The following SENP6 variants were observed in gnomAD, a reference collection of about 807,000 sequenced individuals.
SENP6 encodes the protein SUMO specific peptidase 6, also known as sentrin-specific protease 6.
SENP6 carries 41 observed loss-of-function variants against 134.5 expected under a neutral mutation model. The observed-to-expected ratio is 0.30, with a 90% CI of 0.24 to 0.40. SENP6 has a LOEUF of 0.40. SENP6 is among the 10% of genes least tolerant of loss of function. The probability of loss-of-function intolerance (pLI) is 1.00; values close to 1 mark genes in which losing one functional copy is unlikely to be tolerated. For synonymous variants in SENP6, 395 were observed against 429.8 expected (o/e 0.92, Z 1.00); for missense variants, 1,248 against 1,312.5 (o/e 0.95, Z 0.76).
At chr6:75,693,823 T>C (rs953149513) in intron 16 of SENP6, among the ~76,000 whole-genome samples, 3 of 152,224 alleles carry the variant, frequency 2.0e-5, no homozygotes, top group Non-Finnish European at 2.9e-5. Context: ...AATATGGCCA[T>C]AAGCTTGAAC....
At chr6:75,663,111 C>A (rs547591627) in intron 8 of SENP6, 110 bp from the exon 9 acceptor site, 8 of 1,042,162 alleles carry the variant, frequency 7.7e-6, no homozygotes, top group Non-Finnish European at 1.1e-5. Context: ...TCTTTTATTT[C>A]TTTTGTTCTT....
intron 7 of SENP6, 103 bp downstream of exon 7, chr6:75,647,904 G>A (rs1203152505): frequency 3.7e-6 from 3 of 812,084 alleles, no homozygotes; most frequent in Middle Eastern, 2.4e-4. Flanking sequence ...AGGTATAATA[G>A]ATATATATGT....
chr6:75,716,726 T>A lies in SENP6; in HGVS notation c.*1132T>A, dbSNP rs2149911197. The A allele has an allele frequency of 6.6e-6, 1 of 152,132 alleles. No individual in the cohort carries two copies. The highest frequency in any genetic ancestry group is 1.9e-4 in the East Asian group (1 of 5,192). 9.4% of individuals were successfully genotyped at this position (152,132 alleles called of 1,614,324 possible). A position where few individuals can be genotyped will look rare whatever the true frequency, so the allele number is the denominator to read the frequency against. On this transcript the variant is annotated 3_prime_UTR_variant, in exon 24 of 24. Coordinates refer to ENST00000447266, the MANE Select transcript of SENP6 (RefSeq NM_015571.4). The stretch of plus-strand genomic sequence containing the variant: ...TCATTATTTTTCAAATGAAATGGTG[T>A]ATACTTCTTTCAAATGAACTTTGAG...
In SENP6 at chr6:75,676,017, A is replaced by T. The variant is rs747566891; in HGVS notation, c.1584A>T (p.Lys528Asn). 6.2e-7 allele frequency: 1 copy of T among 1,609,090 alleles called. No individual in the cohort carries two copies. The highest frequency in any genetic ancestry group is 1.1e-5 in the South Asian group (1 of 90,096). The part of the protein sequence containing the change: ...SIQLQMNKED[K>N]VWNDCKGVNK... ...AACTGCAAATGAATAAGGAGGATAA[A>T]GTTTGGAATGATTGTAAAGGAGTAA... Residue 528 changes from lysine to asparagine, a missense_variant, in exon 13 of 24, where the codon AAA becomes AAT. Coordinates refer to ENST00000447266, the MANE Select transcript of SENP6 (RefSeq NM_015571.4).
rs940307949 is a variant in SENP6 at position 75,712,981 on chromosome 6, C to T, written c.2910-532C>T. 6.2e-4 allele frequency among the ~76,000 whole-genome samples: 95 copies of T among 152,106 alleles called. 1 individual carries two copies. The highest frequency in any genetic ancestry group is 6.2e-3 in the Admixed American group (95 of 15,262). ...AATTAGCTGAGTGTGGTCACATATG[C>T]CTGTAGTTACAGCTCCTCAGGAGGC... On this transcript the variant is annotated intron_variant, in intron 21 of 23. Transcript: ENST00000447266.
rs1215816248 is a variant in SENP6, at chr6:75,717,317, A to G, written c.*1723A>G. 2.0e-5 allele frequency: 3 copies of G among 152,030 alleles called. No homozygotes were observed. The highest frequency in any genetic ancestry group is 7.2e-5 in the African/African-American group (3 of 41,440). 9.4% of individuals were successfully genotyped at this position (152,030 alleles called of 1,614,324 possible). On this transcript the variant is annotated 3_prime_UTR_variant, in exon 24 of 24. Transcript: ENST00000447266. The stretch of plus-strand genomic sequence containing the variant: ...TTTTGTCAGAATCTGAAGGTACTGA[A>G]AAACTATTCTAAAATGCCTACTTGT...
intron 7 of SENP6, among the ~76,000 whole-genome samples, chr6:75,656,765 A>T (rs994663727): frequency 2.9e-4 from 44 of 152,144 alleles, no homozygotes; most frequent in African/African-American, 1.0e-3. Flanking sequence ...AACTTTCTTA[A>T]TTATGTCATT....
chr6:75,701,541 C>T (rs1053727254), intron 18 of SENP6, among the ~76,000 whole-genome samples: 4 of 150,280 alleles, frequency 2.7e-5, no homozygotes, highest in African/African-American at 4.9e-5. Context: ...TAATAACACA[C>T]AGTAACAGTA....
chr6:75,713,685 G>C lies in SENP6; in HGVS notation c.2989G>C (p.Val997Leu). The C allele has an allele frequency of 6.2e-7, 1 of 1,611,446 alleles. No homozygotes were observed. The highest frequency in any genetic ancestry group is 8.5e-7 in the Non-Finnish European group (1 of 1,178,116). ...TATGAATTATTGCAGGTATTTAGAA[G>C]TGGAATGGGAAGTTAAAAAAGGAAG... ...VVKILREYLE[V>L]EWEVKKGSKR... The change falls in exon 23 of 24, where the codon GTG (valine) becomes CTG (leucine). Residue 997 changes from valine (V) to leucine (L), a missense_variant. By Grantham distance (32) the Val-to-Leu change is conservative. Around this residue, in one of 3 missense-constraint regions of SENP6, gnomAD observed 386 missense variants for 395.0 expected, o/e 0.98. Coordinates refer to ENST00000447266, the MANE Select transcript of SENP6 (RefSeq NM_015571.4).
At chr6:75,686,891 A>G (rs1773880533) in intron 16 of SENP6, among the ~76,000 whole-genome samples, 2 of 152,066 alleles carry the variant, frequency 1.3e-5, no homozygotes, top group South Asian at 4.1e-4. Context: ...TGCTCTTCTC[A>G]AGGAGTATCT....
chr6:75,646,040 G>A (rs1398191336), intron 6 of SENP6, among the ~76,000 whole-genome samples: 1 of 152,120 alleles, frequency 6.6e-6, no homozygotes, highest in East Asian at 1.9e-4. Flanking sequence ...CTCTATACAT[G>A]CATGTATGAT....
At chr6:75,676,992 T>C in intron 13 of SENP6, 38 bp from the exon 14 acceptor site, 1 of 932,332 alleles carries the variant, frequency 1.1e-6, no homozygotes, top group Non-Finnish European at 1.6e-6. Flanking sequence ...TTTACTTCTT[T>C]TGTGTTTTTT....
chr6:75,666,762 G>C lies in SENP6; in HGVS notation c.1045G>C (p.Glu349Gln), dbSNP rs761625649. The change falls in exon 10 of 24, where the codon GAA becomes CAA. Residue 349 changes from glutamate to glutamine, a missense_variant. This residue lies in a region of SENP6 where 733 missense variants were observed against 725.4 expected (regional missense o/e 1.01). Coordinates refer to ENST00000447266, the MANE Select transcript of SENP6 (RefSeq NM_015571.4). ...DDDNDRTNRR[E>Q]SISPQPADSA... Reference sequence around the variant, plus strand: ...TGACAACGACAGAACTAACAGAAGAGAAAGCATATCTCCTCAGCCTGCTGA... The same window carrying C: ...TGACAACGACAGAACTAACAGAAGACAAAGCATATCTCCTCAGCCTGCTGA... 1.4e-5 allele frequency: 23 copies of C among 1,608,724 alleles called. No individual in the cohort carries two copies. The highest frequency in any genetic ancestry group is 1.3e-4 in the Admixed American group (8 of 59,940).
rs1451031522 is a variant in SENP6 at position 75,672,561 on chromosome 6, A to T, written c.1392+1841A>T. On this transcript the variant is annotated intron_variant, in intron 11 of 23. Coordinates refer to ENST00000447266, the MANE Select transcript of SENP6 (RefSeq NM_015571.4). ...TAGCATGAGATTTTTAGCAAAGGGC[A>T]TTCTTCATTGAAGAATAATTAGTGG... 2.0e-5 allele frequency among the ~76,000 whole-genome samples: 3 copies of T among 152,224 alleles called. No homozygotes were observed. In the East Asian group the frequency reaches 5.8e-4, roughly 29 times the overall value.
At chr6:75,643,248 C>T (rs894287498) in intron 6 of SENP6, among the ~76,000 whole-genome samples, 1 of 152,134 alleles carries the variant, frequency 6.6e-6, no homozygotes, top group Non-Finnish European at 1.5e-5. Flanking sequence ...GTTATAATAA[C>T]TGTAGTCAGT....
intron 11 of SENP6, among the ~76,000 whole-genome samples, chr6:75,672,751 T>C (rs547950271): frequency 9.2e-5 from 14 of 152,366 alleles, no homozygotes; most frequent in African/African-American, 2.9e-4. Context: ...TATAAAATTC[T>C]ACACTTGCTT....
intron 6 of SENP6, 193 bp from the exon 7 acceptor site, chr6:75,647,537 TA>T (rs1204369807): frequency 1.1e-5 from 4 of 376,798 alleles, no homozygotes; most frequent in Admixed American, 4.3e-5. Flanking sequence ...TTTAAACAAC[TA>T]AAAAATACAG....
chr6:75,648,191 G>A (rs1422060601), intron 7 of SENP6, among the ~76,000 whole-genome samples: 1 of 152,096 alleles, frequency 6.6e-6, no homozygotes, highest in East Asian at 1.9e-4. Flanking sequence ...CAATTAAAAA[G>A]AGACCACACC....
chr6:75,666,950 C>T lies in SENP6; in HGVS notation c.1224+9C>T. The stretch of plus-strand genomic sequence containing the variant: ...CAAGAATGAAAGACCAGGTACTTTT[C>T]ACTTTTGTTGACATTTGTTCAGATT... On this transcript the variant is annotated intron_variant, in intron 10 of 23. Transcript: ENST00000447266. The T allele has an allele frequency of 1.9e-6, 3 of 1,569,572 alleles. No individual in the cohort carries two copies. The highest frequency in any genetic ancestry group is 2.6e-6 in the Non-Finnish European group (3 of 1,145,692).
Sources: allele counts gnomAD v4.1 joint callset (sites outside exome capture counted in the v4.1 genomes callset), GRCh38; gene constraint gnomAD v4.1.1; regional missense constraint gnomAD v4.1.1; transcripts MANE v1.5; gene names NCBI Gene and HGNC (gene_info 2026-07-23, HGNC 2026-07-21).